The following REEP1 variants were observed in gnomAD, a reference collection of about 807,000 sequenced individuals.
The protein encoded by REEP1 is receptor expression-enhancing protein 1.
In REEP1, 22 loss-of-function variants were observed where a neutral mutation model predicts 40.3. That is an observed-to-expected ratio of 0.55 (90% CI 0.39 to 0.78). The LOEUF is 0.78. Among genes scored for constraint, REEP1 ranks in the 30% least tolerant of loss-of-function variants. The pLI, the probability that REEP1 is intolerant of heterozygous loss-of-function variation, is 0.00. For missense variants in REEP1, 280 were observed against 361.1 expected (o/e 0.78, Z 1.82); for synonymous variants, 116 against 139.2 (o/e 0.83, Z 1.17).
intron 3 of REEP1, among the ~76,000 whole-genome samples, chr2:86,258,335 A>G (rs1676680851): frequency 6.6e-6 from 1 of 152,254 alleles, no homozygotes; most frequent in Admixed American, 6.5e-5. Flanking sequence ...GTTATGCACA[A>G]TGATTTATTA....
intron 7 of REEP1, among the ~76,000 whole-genome samples, chr2:86,221,297 T>C (rs889911): frequency 0.88 from 134,066 of 152,268 alleles, 59,361 homozygotes; most frequent in East Asian, 0.98. Flanking sequence ...CAGCACAACA[T>C]GCAAAGCTGA....
At chr2:86,226,130 C>A (rs1674684038) in intron 7 of REEP1, among the ~76,000 whole-genome samples, 1 of 150,024 alleles carries the variant, frequency 6.7e-6, no homozygotes, top group Admixed American at 6.6e-5. Context: ...TCACCACCAC[C>A]ACCACCACCA....
At chr2:86,247,627 G>A (rs1676045315) in intron 5 of REEP1, among the ~76,000 whole-genome samples, 1 of 152,104 alleles carries the variant, frequency 6.6e-6, no homozygotes, top group African/African-American at 2.4e-5. Flanking sequence ...TGCCGCCCAG[G>A]CTGGAGTGCA....
At chr2:86,281,906 T>C (rs865907417) in intron 2 of REEP1, among the ~76,000 whole-genome samples, 6 of 152,200 alleles carry the variant, frequency 3.9e-5, no homozygotes, top group Non-Finnish European at 8.8e-5. Flanking sequence ...CTGTGGCTTG[T>C]GGCACAGCTG....
chr2:86,257,540 C>G (rs1257266242), intron 3 of REEP1, among the ~76,000 whole-genome samples: 1 of 152,152 alleles, frequency 6.6e-6, no homozygotes, highest in Non-Finnish European at 1.5e-5. Flanking sequence ...TCTATACACC[C>G]GTTACTACAT....
intron 1 of REEP1, among the ~76,000 whole-genome samples, chr2:86,324,273 C>T (rs558707568): frequency 6.6e-6 from 1 of 152,188 alleles, no homozygotes; most frequent in Admixed American, 6.5e-5. Flanking sequence ...GTTTAGCATC[C>T]AGAAGAGTTA....
intron 7 of REEP1, among the ~76,000 whole-genome samples, chr2:86,226,750 A>G (rs1421151581): frequency 6.6e-6 from 1 of 151,746 alleles, no homozygotes; most frequent in African/African-American, 2.4e-5. Context: ...GATTACAGGC[A>G]TGAGCCACCC....
intron 1 of REEP1, among the ~76,000 whole-genome samples, chr2:86,326,744 GT>G (rs1261672289): frequency 1.3e-5 from 2 of 152,014 alleles, no homozygotes; most frequent in African/African-American, 4.8e-5. Flanking sequence ...AAATCATAAA[GT>G]TTTAGGGTTG....
chr2:86,292,127 T>G (rs898414258), intron 1 of REEP1, among the ~76,000 whole-genome samples: 1 of 152,236 alleles, frequency 6.6e-6, no homozygotes, highest in Non-Finnish European at 1.5e-5. Context: ...GCTCCAACCC[T>G]GACTAGCTGT....
At chr2:86,331,960 C>T (rs755214965) in intron 1 of REEP1, among the ~76,000 whole-genome samples, 3 of 152,114 alleles carry the variant, frequency 2.0e-5, no homozygotes, top group African/African-American at 4.8e-5. Context: ...TGGGTACCCA[C>T]GCATGCTTGA....
intron 2 of REEP1, among the ~76,000 whole-genome samples, chr2:86,275,697 C>T (rs1677723033): frequency 6.6e-6 from 1 of 152,246 alleles, no homozygotes; most frequent in Admixed American, 6.5e-5. Context: ...TCTCCGTCAG[C>T]CTCCTGACTG....
At chr2:86,240,936 G>A (rs1454239692) in intron 5 of REEP1, among the ~76,000 whole-genome samples, 1 of 152,208 alleles carries the variant, frequency 6.6e-6, no homozygotes, top group Non-Finnish European at 1.5e-5. Context: ...TGAGGGAGGT[G>A]GGCTTGGTGC....
At chr2:86,229,971 T>C (rs1220867347) in intron 6 of REEP1, among the ~76,000 whole-genome samples, 31 of 152,208 alleles carry the variant, frequency 2.0e-4, no homozygotes, top group Admixed American at 1.9e-3. Flanking sequence ...GAAAGAGCAC[T>C]ACACTGTCCT....
At chr2:86,259,338 T>C (rs1676734882) in intron 3 of REEP1, among the ~76,000 whole-genome samples, 1 of 152,016 alleles carries the variant, frequency 6.6e-6, no homozygotes, top group Non-Finnish European at 1.5e-5. Context: ...CTCTTCAGTG[T>C]ATTGTTTCTA....
chr2:86,227,446 A>G, intron 6 of REEP1, 48 bp from the exon 7 acceptor site: 1 of 1,230,144 alleles, frequency 8.1e-7, no homozygotes, highest in Non-Finnish European at 1.0e-6. Context: ...CCCACTGGAC[A>G]GGAACCAGCC....
intron 5 of REEP1, among the ~76,000 whole-genome samples, chr2:86,238,054 G>A (rs891071738): frequency 2.0e-5 from 3 of 152,122 alleles, no homozygotes; most frequent in African/African-American, 7.2e-5. Flanking sequence ...GGTGGTGCAT[G>A]CCTATAATCC....
intron 2 of REEP1, among the ~76,000 whole-genome samples, chr2:86,276,088 G>C (rs1218841306): frequency 6.6e-6 from 1 of 152,180 alleles, no homozygotes; most frequent in Non-Finnish European, 1.5e-5. Context: ...TGTTCAATGG[G>C]CTCATGTACC....
intron 1 of REEP1, among the ~76,000 whole-genome samples, chr2:86,287,085 T>A (rs369684008): frequency 6.6e-6 from 1 of 152,184 alleles, no homozygotes; most frequent in South Asian, 2.1e-4. Context: ...ACTGTACACA[T>A]CTTATTTCAT....
intron 3 of REEP1, 51 bp from the exon 4 acceptor site, chr2:86,254,865 C>A: frequency 6.2e-7 from 1 of 1,604,852 alleles, no homozygotes; most frequent in Non-Finnish European, 8.5e-7. Flanking sequence ...AGCAACACTG[C>A]CCTTTTGAAG....
Sources: gnomAD v4.1 joint callset for allele counts (sites outside exome capture counted in the v4.1 genomes callset) on GRCh38, gnomAD v4.1.1 for gene constraint, MANE v1.5 for transcripts, NCBI Gene and HGNC (gene_info 2026-07-23, HGNC 2026-07-21) for gene names.